HDX: variants seen among roughly 807,000 people sequenced by gnomAD.
HDX encodes the protein highly divergent homeobox.
In HDX, 19 loss-of-function variants were observed where a neutral mutation model predicts 45.2. The observed-to-expected ratio is 0.42, with a 90% confidence interval of 0.29 to 0.62. The LOEUF (loss-of-function observed/expected upper bound fraction) is 0.62, where lower values mean the gene tolerates loss of function less well. HDX is among the 20% of genes least tolerant of loss of function. The probability of loss-of-function intolerance (pLI) is 0.20; values close to 1 mark genes in which losing one functional copy is unlikely to be tolerated. For missense variants in HDX, 532 were observed against 493.9 expected, an observed-to-expected ratio of 1.08 and a Z score of -0.73; for synonymous variants, 188 against 172.8, an observed-to-expected ratio of 1.09 and a Z score of -0.69.
chrX:84,376,883 C>A (rs951313019), intron 5 of HDX, among the ~76,000 whole-genome samples: 7 of 111,766 alleles, frequency 6.3e-5, no homozygotes, highest in Non-Finnish European at 1.3e-4. Context: ...GATTGTAGAG[C>A]CCCAGGGCCT....
chrX:84,377,611 G>T (rs182201041), intron 5 of HDX, among the ~76,000 whole-genome samples: 37 of 110,910 alleles, frequency 3.3e-4, no homozygotes, highest in African/African-American at 1.2e-3. Flanking sequence ...ATATACCAAA[G>T]AATGCATCAG....
intron 7 of HDX, among the ~76,000 whole-genome samples, chrX:84,342,518 C>G (rs866606060): frequency 3.0e-5 from 2 of 66,718 alleles, no homozygotes; most frequent in African/African-American, 1.2e-4. Flanking sequence ...TATGTGTGTG[C>G]ATGTGTGTGT....
chrX:84,413,694 G>A (rs1375031383), intron 5 of HDX, among the ~76,000 whole-genome samples: 2 of 111,761 alleles, frequency 1.8e-5, no homozygotes, highest in African/African-American at 6.5e-5. Context: ...ATATGACATC[G>A]TATTATTCCT....
At chrX:84,404,583 T>G (rs1463642493) in intron 5 of HDX, among the ~76,000 whole-genome samples, 1 of 111,607 alleles carries the variant, frequency 9.0e-6, no homozygotes, top group Non-Finnish European at 1.9e-5. Context: ...TAGAAGATTC[T>G]TGAGGACACA....
intron 1 of HDX, among the ~76,000 whole-genome samples, chrX:84,490,946 T>A (rs1266013602): frequency 1.8e-5 from 2 of 111,344 alleles, no homozygotes; most frequent in Non-Finnish European, 3.8e-5. Context: ...AGTGCAGTTA[T>A]TTTCTCTGGC....
rs760415015 is a variant in HDX at position 84,360,326 on chromosome X, A to G, written c.1452+1140T>C. On this transcript the variant is annotated intron_variant, in intron 6 of 10. Coordinates refer to ENST00000373177, the MANE Select transcript of HDX (RefSeq NM_001177479.2). The stretch of plus-strand genomic sequence containing the variant: ...AGAAATAGGAACACTTTTACACTGT[A>G]GGTGGGAATGTAAAATAAATTTTTA... Among the ~76,000 whole-genome samples, 14 of 112,294 alleles carry G rather than the reference A, an allele frequency of 1.2e-4. No homozygotes were observed. The South Asian group carries it at 5.1e-3, about 41-fold the overall frequency.
chrX:84,406,367 A>T (rs922860708), intron 5 of HDX, among the ~76,000 whole-genome samples: 1 of 108,707 alleles, frequency 9.2e-6, no homozygotes, highest in Non-Finnish European at 1.9e-5. Flanking sequence ...TAATAGGATA[A>T]AGTGTGCCTT....
intron 6 of HDX, among the ~76,000 whole-genome samples, chrX:84,357,909 A>G (rs2037525125): frequency 8.9e-6 from 1 of 111,956 alleles, no homozygotes; most frequent in Non-Finnish European, 1.9e-5. Flanking sequence ...ACAGCTGGTG[A>G]ACAGCCTTTG....
chrX:84,446,851 G>T (rs1427684156), intron 4 of HDX, among the ~76,000 whole-genome samples: 1 of 112,111 alleles, frequency 8.9e-6, no homozygotes, highest in Non-Finnish European at 1.9e-5. Flanking sequence ...GGCACAGTTT[G>T]GGGGAAGTGT....
intron 5 of HDX, among the ~76,000 whole-genome samples, chrX:84,400,402 C>T (rs1205006137): frequency 9.2e-6 from 1 of 108,131 alleles, no homozygotes; most frequent in Non-Finnish European, 1.9e-5. Flanking sequence ...CATTCATATA[C>T]AATAACAAAA....
chrX:84,447,107 T>G (rs1393746289), intron 4 of HDX, among the ~76,000 whole-genome samples: 2 of 111,520 alleles, frequency 1.8e-5, no homozygotes, highest in Admixed American at 1.9e-4. Context: ...AAGAGATTAC[T>G]AATTGAGGAA....
intron 5 of HDX, among the ~76,000 whole-genome samples, chrX:84,389,429 C>T (rs1315619583): frequency 2.7e-5 from 3 of 111,434 alleles, no homozygotes; most frequent in African/African-American, 3.3e-5. Context: ...TCTCAGTGCT[C>T]TCAGGTTGGG....
chrX:84,318,467 G>A lies in HDX; in HGVS notation c.*3422C>T, dbSNP rs770972359. The A allele has an allele frequency of 9.0e-6, 1 of 110,964 alleles. No individual in the cohort carries two copies. 9.1% of individuals were successfully genotyped at this position (110,964 alleles called of 1,213,427 possible). On this transcript the variant is annotated 3_prime_UTR_variant, in exon 11 of 11. Transcript: ENST00000373177. ...ACAACTGTAATACGGAAGAAGGGCAGGAGTTAAAGTTTTCAGAATGTCTTT... is the reference window on the plus strand; with the variant it reads ...ACAACTGTAATACGGAAGAAGGGCAAGAGTTAAAGTTTTCAGAATGTCTTT...
At chrX:84,445,210 T>C (rs918596259) in intron 4 of HDX, among the ~76,000 whole-genome samples, 1 of 112,017 alleles carries the variant, frequency 8.9e-6, no homozygotes, top group African/African-American at 3.2e-5. Context: ...CTGCATTTTA[T>C]GTGAGCCAGG....
chrX:84,446,746 A>G (rs1248858498), intron 4 of HDX, among the ~76,000 whole-genome samples: 2 of 112,136 alleles, frequency 1.8e-5, no homozygotes, highest in Non-Finnish European at 3.8e-5. Context: ...ACAGCAACCA[A>G]TTGAGTGTAC....
rs781739447 is a variant in HDX, at chrX:84,417,350, T to A, written c.1305+23182A>T. 8.1e-5 allele frequency among the ~76,000 whole-genome samples: 9 copies of A among 111,536 alleles called. No individual in the cohort carries two copies. In the South Asian group the frequency reaches 3.4e-3, roughly 42 times the overall value. On this transcript the variant is annotated intron_variant, in intron 5 of 10. Coordinates refer to ENST00000373177, the MANE Select transcript of HDX (RefSeq NM_001177479.2). ...AGCTGTCCAGAATTCAGATAAGAAG[T>A]TGTGGTATCCCTAGATGAACACAAA...
At chrX:84,492,126 T>G (rs2040904385) in intron 1 of HDX, among the ~76,000 whole-genome samples, 1 of 110,962 alleles carries the variant, frequency 9.0e-6, no homozygotes, top group African/African-American at 3.3e-5. Context: ...CCTAGCCTTT[T>G]TGGGCTCCTT....
intron 1 of HDX, among the ~76,000 whole-genome samples, chrX:84,500,924 C>T (rs772788889): frequency 2.7e-5 from 3 of 111,548 alleles, no homozygotes; most frequent in South Asian, 7.5e-4. Flanking sequence ...TGTTCACAGA[C>T]CACTAAGGAT....
intron 5 of HDX, among the ~76,000 whole-genome samples, chrX:84,412,991 C>T (rs1312428055): frequency 2.7e-5 from 3 of 111,857 alleles, no homozygotes; most frequent in Non-Finnish European, 5.6e-5. Flanking sequence ...TTTTTCAGCT[C>T]TATCAGGTCA....
Sources: gnomAD v4.1 joint callset for allele counts (sites outside exome capture counted in the v4.1 genomes callset) on GRCh38, gnomAD v4.1.1 for gene constraint, MANE v1.5 for transcripts, NCBI Gene and HGNC (gene_info 2026-07-23, HGNC 2026-07-21) for gene names.